The following ZNRF1 variants were observed in gnomAD, a reference collection of about 807,000 sequenced individuals.
ZNRF1 encodes zinc and ring finger 1.
ZNRF1 carries 3 observed loss-of-function variants against 18.4 expected under a neutral mutation model. That is an observed-to-expected ratio of 0.16 (90% CI 0.07 to 0.42). The LOEUF (loss-of-function observed/expected upper bound fraction) is 0.42. Among genes scored for constraint, ZNRF1 ranks in the 10% least tolerant of loss-of-function variants. The probability of loss-of-function intolerance (pLI) is 0.99; values close to 1 mark genes in which losing one functional copy is unlikely to be tolerated. For synonymous variants in ZNRF1, 157 were observed against 144.2 expected (o/e 1.09, Z -0.64); for missense variants, 310 against 329.8 (o/e 0.94, Z 0.47).
intron 1 of ZNRF1, among the ~76,000 whole-genome samples, chr16:75,029,313 A>T (rs2035269142): frequency 6.6e-6 from 1 of 151,334 alleles, no homozygotes; most frequent in Non-Finnish European, 1.5e-5. Flanking sequence ...TGCCCGGCTA[A>T]TTTTTTTTGT....
At chr16:75,027,774 G>A (rs1280954449) in intron 1 of ZNRF1, among the ~76,000 whole-genome samples, 3 of 152,118 alleles carry the variant, frequency 2.0e-5, no homozygotes, top group Non-Finnish European at 4.4e-5. Context: ...AAGAAACACT[G>A]AGCACATTCG....
intron 1 of ZNRF1, among the ~76,000 whole-genome samples, chr16:75,014,672 G>T (rs1459369968): frequency 1.3e-5 from 2 of 152,106 alleles, no homozygotes; most frequent in African/African-American, 4.8e-5. Context: ...GTGTATGTGT[G>T]CATGCGTGCA....
At chr16:75,107,581 A>G in intron 4 of ZNRF1, 152 bp from the exon 5 acceptor site, 1 of 395,556 alleles carries the variant, frequency 2.5e-6, no homozygotes, top group Non-Finnish European at 5.2e-6. Flanking sequence ...CTGCCCAGGC[A>G]CATGGCTGCA....
chr16:75,058,768 T>G (rs1212226856), intron 1 of ZNRF1, among the ~76,000 whole-genome samples: 1 of 152,228 alleles, frequency 6.6e-6, no homozygotes, highest in African/African-American at 2.4e-5. Context: ...CTGGTTGGAC[T>G]CAGGAGAGTT....
chr16:75,049,073 C>G (rs2035554917), intron 1 of ZNRF1, among the ~76,000 whole-genome samples: 2 of 151,244 alleles, frequency 1.3e-5, no homozygotes, highest in Admixed American at 1.3e-4. Context: ...GGTGCAATCT[C>G]AGCTCACTGC....
chr16:75,055,850 C>T (rs1356433916), intron 1 of ZNRF1, among the ~76,000 whole-genome samples: 1 of 152,156 alleles, frequency 6.6e-6, no homozygotes, highest in Non-Finnish European at 1.5e-5. Flanking sequence ...GAAAGCTGGC[C>T]TTGTCTCCAA....
intron 1 of ZNRF1, among the ~76,000 whole-genome samples, chr16:75,048,824 C>A (rs1294108830): frequency 6.6e-6 from 1 of 152,122 alleles, no homozygotes. Context: ...GCGCAGATCT[C>A]GTTTCCCAGT....
At chr16:75,031,116 G>T (rs2035297175) in intron 1 of ZNRF1, among the ~76,000 whole-genome samples, 1 of 149,910 alleles carries the variant, frequency 6.7e-6, no homozygotes, top group Non-Finnish European at 1.5e-5. Context: ...GATTACAGGC[G>T]TGAGCCACTG....
chr16:75,079,290 G>GC (rs1460793095), intron 1 of ZNRF1, among the ~76,000 whole-genome samples: 1 of 152,122 alleles, frequency 6.6e-6, no homozygotes, highest in Non-Finnish European at 1.5e-5. Flanking sequence ...GACCATCCTG[G>GC]CCAACATGGT....
intron 1 of ZNRF1, among the ~76,000 whole-genome samples, chr16:75,077,115 G>A (rs1317170550): frequency 2.0e-5 from 3 of 152,210 alleles, no homozygotes; most frequent in African/African-American, 7.2e-5. Flanking sequence ...GATCCAGGCC[G>A]GGCATGGTGG....
At chr16:75,048,718 C>T (rs2035548659) in intron 1 of ZNRF1, among the ~76,000 whole-genome samples, 1 of 152,150 alleles carries the variant, frequency 6.6e-6, no homozygotes, top group Non-Finnish European at 1.5e-5. Flanking sequence ...CCCACTGCAT[C>T]CTATCAGGAA....
intron 1 of ZNRF1, among the ~76,000 whole-genome samples, chr16:75,046,182 C>T (rs537112491): frequency 2.0e-5 from 3 of 151,690 alleles, no homozygotes; most frequent in Non-Finnish European, 4.4e-5. Flanking sequence ...GGTATTATTA[C>T]ATGTGTGAGC....
At position 75,000,339 on chromosome 16, in the gene ZNRF1, GC is replaced by G. The variant is rs773270963; in HGVS notation, c.424+246del. The G allele has an allele frequency of 9.1e-5, 63 of 692,904 alleles. 2 individuals carry two copies. Among genetic ancestry groups the G allele is most frequent in the Admixed American group, 3.2e-4 (16 of 49,250 alleles). The allele number at this position is 692,904 out of a possible 1,614,324, so 42.9% of individuals were successfully genotyped here. On this transcript the variant is annotated intron_variant, in intron 1 of 4. Coordinates refer to ENST00000335325, the MANE Select transcript of ZNRF1 (RefSeq NM_032268.5). Reference sequence around the variant, plus strand: ...TTCACTTGTGGAAGGGCAGAGCGAAGCCTACCTATTGGAGTTCCATTTATTG... The same window carrying G: ...TTCACTTGTGGAAGGGCAGAGCGAAGCTACCTATTGGAGTTCCATTTATTG...
chr16:75,083,889 A>G (rs975747319), intron 1 of ZNRF1, among the ~76,000 whole-genome samples: 3 of 152,196 alleles, frequency 2.0e-5, no homozygotes, highest in African/African-American at 7.2e-5. Context: ...GGGTAGAGGA[A>G]GGGTGCCTGA....
rs62061439 is a variant in ZNRF1, at chr16:75,000,161, C to G, written c.424+66C>G. 1,993 of 1,551,514 alleles carry G rather than the reference C, an allele frequency of 1.3e-3. 3 individuals carry two copies. The highest frequency in any genetic ancestry group is 1.6e-3 in the Non-Finnish European group (1,833 of 1,146,710). On this transcript the variant is annotated intron_variant, in intron 1 of 4. Transcript: ENST00000335325. ...CCGGGGCGCCCCAAGCCTTCGCGTG[C>G]GTGCCAAGGTTTGGGAATGTAGTGC...
At chr16:75,049,187 T>G (rs904141466) in intron 1 of ZNRF1, among the ~76,000 whole-genome samples, 13 of 151,544 alleles carry the variant, frequency 8.6e-5, no homozygotes, top group African/African-American at 3.1e-4. Flanking sequence ...GTATTTTTAG[T>G]AGAGACAGGG....
At chr16:75,000,407 C>T (rs755174099) in intron 1 of ZNRF1, 5 of 554,152 alleles carry the variant, frequency 9.0e-6, no homozygotes, top group Non-Finnish European at 1.7e-5. Flanking sequence ...TGGCTGAGAG[C>T]AAGTCAGCCT....
At chr16:75,034,734 C>G (rs1415652070) in intron 1 of ZNRF1, among the ~76,000 whole-genome samples, 1 of 152,158 alleles carries the variant, frequency 6.6e-6, no homozygotes, top group African/African-American at 2.4e-5. Flanking sequence ...TCAAGTGATT[C>G]TTATGCCTCA....
chr16:75,058,440 C>G (rs527858322), intron 1 of ZNRF1, among the ~76,000 whole-genome samples: 3 of 152,186 alleles, frequency 2.0e-5, no homozygotes, highest in Non-Finnish European at 4.4e-5. Context: ...ATTATTTCCC[C>G]AAACCTGCTG....
Sources: gnomAD v4.1 joint callset for allele counts (sites outside exome capture counted in the v4.1 genomes callset) on GRCh38, gnomAD v4.1.1 for gene constraint, MANE v1.5 for transcripts, NCBI Gene and HGNC (gene_info 2026-07-23, HGNC 2026-07-21) for gene names.